The following SYNJ1 variants were observed in gnomAD, a reference collection of about 807,000 sequenced individuals.
SYNJ1 encodes the protein synaptojanin 1.
SYNJ1 carries 78 observed loss-of-function variants against 168.2 expected under a neutral mutation model. The observed-to-expected ratio is 0.46, with a 90% CI of 0.39 to 0.56. SYNJ1 has a LOEUF of 0.56. SYNJ1 is among the 20% of genes least tolerant of loss of function. The probability of loss-of-function intolerance (pLI) is 0.00; values close to 1 mark genes in which losing one functional copy is unlikely to be tolerated. For missense variants in SYNJ1, 1,303 were observed against 1,597.6 expected (o/e 0.82, Z 3.14); for synonymous variants, 539 against 548.6 (o/e 0.98, Z 0.24).
At chr21:32,680,192 G>A (rs923909903) in intron 11 of SYNJ1, among the ~76,000 whole-genome samples, 20 of 152,252 alleles carry the variant, frequency 1.3e-4, no homozygotes, top group African/African-American at 4.6e-4. Flanking sequence ...ATTTCTATGA[G>A]TTGAACAAAA....
intron 14 of SYNJ1, 94 bp from the exon 15 acceptor site, chr21:32,670,466 TG>T (rs1010566796): frequency 2.2e-6 from 2 of 922,066 alleles, no homozygotes; most frequent in African/African-American, 3.4e-5. Flanking sequence ...TCATAAAGAC[TG>T]ATTTCTGTGT....
intron 22 of SYNJ1, among the ~76,000 whole-genome samples, chr21:32,651,752 C>A (rs1269886594): frequency 6.6e-6 from 1 of 152,052 alleles, no homozygotes; most frequent in Non-Finnish European, 1.5e-5. Context: ...TAGAGGTTCA[C>A]TGGAATATTG....
intron 2 of SYNJ1, among the ~76,000 whole-genome samples, chr21:32,709,424 C>T (rs1229086382): frequency 7.0e-6 from 1 of 143,098 alleles, no homozygotes; most frequent in South Asian, 2.2e-4. Context: ...TAGTAGTGAG[C>T]CAAGATCACA....
At chr21:32,719,963 G>A (rs570357677) in intron 2 of SYNJ1, among the ~76,000 whole-genome samples, 13 of 152,060 alleles carry the variant, frequency 8.5e-5, no homozygotes, top group African/African-American at 3.1e-4. Context: ...AACGAGGCCA[G>A]GCACAGTGGC....
Position 32,642,100 on chromosome 21 carries a change from T to G in SYNJ1, c.3512A>C (p.Asn1171Thr), listed in dbSNP as rs1180796271. 3.1e-6 allele frequency: 5 copies of G among 1,614,092 alleles called. No homozygotes were observed. Among genetic ancestry groups the G allele is most frequent in the Non-Finnish European group, 4.2e-6 (5 of 1,180,044 alleles). Residue 1171 changes from asparagine (N) to threonine (T), a missense_variant, in exon 28 of 33, where the codon AAT (asparagine) becomes ACT (threonine). This residue lies in a region of SYNJ1 where 383 missense variants were observed against 388.8 expected (regional missense o/e 0.99). Coordinates refer to ENST00000674351, the MANE Select transcript of SYNJ1 (RefSeq NM_203446.3). Reference sequence around the variant, plus strand: ...CTACATTCAAGTGTTTTTACCTATATTATCTTTCCTTGTTGTTCCAGGGCT... The same window carrying G: ...CTACATTCAAGTGTTTTTACCTATAGTATCTTTCCTTGTTGTTCCAGGGCT... ...PKSPGTTRKD[N>T]IGRSQPSPQA...
chr21:32,686,051 C>T (rs368097887), intron 8 of SYNJ1, 134 bp from the exon 9 acceptor site: 4 of 812,470 alleles, frequency 4.9e-6, no homozygotes, highest in Middle Eastern at 3.5e-4. Flanking sequence ...CTGAGAGATA[C>T]GGTGACACAA....
Position 32,650,254 on chromosome 21 carries a change from T to A in SYNJ1, c.2967A>T (p.Ala989=). The change falls in exon 23 of 33, where the codon GCA becomes GCT. Residue 989 remains alanine (A), a synonymous_variant. Transcript: ENST00000674351. ...GGGTAGAGCTTGTTGATGATGGCAA[T>A]GCAATGCTAATTTTCTCTAAACTCA... ...EEMSLEKISI[A]LPSSTSSTLL... is the part of the protein sequence containing the mutation. The A allele has an allele frequency of 6.2e-7, 1 of 1,614,072 alleles. No individual in the cohort carries two copies. The highest frequency in any genetic ancestry group is 1.1e-5 in the South Asian group (1 of 91,054).
At chr21:32,685,425 C>CAAAA (rs57470866) in intron 9 of SYNJ1, among the ~76,000 whole-genome samples, 50 of 67,194 alleles carry the variant, frequency 7.4e-4, no homozygotes, top group Admixed American at 9.6e-4. Flanking sequence ...CCGTCTCTAC[C>CAAAA]AAAAAAAAAA....
At chr21:32,716,061 C>T (rs2043013250) in intron 2 of SYNJ1, among the ~76,000 whole-genome samples, 1 of 152,150 alleles carries the variant, frequency 6.6e-6, no homozygotes, top group African/African-American at 2.4e-5. Flanking sequence ...TCTATTTAAG[C>T]TGGAAAAAGA....
At position 32,695,098 on chromosome 21, in the gene SYNJ1, T is replaced by G. The variant is rs2042155994; in HGVS notation, c.664A>C (p.Asn222His). The G allele has an allele frequency of 1.2e-6, 2 of 1,614,062 alleles. No homozygotes were observed. The highest frequency in any genetic ancestry group is 1.7e-5 in the Admixed American group (1 of 60,004). ...AAATTGGCAACATGACCATCATCAT[T>G]TGTTCCCCGGACATTAAACCTGGTC... ...AGTRFNVRGT[N>H]DDGHVANFVE... Residue 222 changes from asparagine to histidine, a missense_variant, in exon 5 of 33, where the codon AAT becomes CAT. By Grantham distance (68) the Asn-to-His change is moderately conservative. Coordinates refer to ENST00000674351, the MANE Select transcript of SYNJ1 (RefSeq NM_203446.3).
intron 6 of SYNJ1, among the ~76,000 whole-genome samples, chr21:32,693,819 C>T (rs1276000134): frequency 6.6e-6 from 1 of 152,114 alleles, no homozygotes; most frequent in East Asian, 1.9e-4. Flanking sequence ...CAAGATCACA[C>T]AGCTAGTAGT....
chr21:32,700,080 G>A lies in SYNJ1; in HGVS notation c.237C>T (p.Val79=), dbSNP rs2042346483. 6.2e-7 allele frequency: 1 copy of A among 1,613,540 alleles called. No individual in the cohort carries two copies. The highest frequency in any genetic ancestry group is 2.2e-5 in the East Asian group (1 of 44,852). ...NLGDTMLHYL[V]LVTGCMSVGK... ...CAACAGACATACATCCAGTGACTAGGACCAGATAATGTAACATAGTATCAC... is the reference window on the plus strand; with the variant it reads ...CAACAGACATACATCCAGTGACTAGAACCAGATAATGTAACATAGTATCAC... The change falls in exon 4 of 33, where the codon GTC becomes GTT. Residue 79 remains valine, a synonymous_variant. Transcript: ENST00000674351.
chr21:32,687,691 AAAC>A lies in SYNJ1; in HGVS notation c.851+612_851+614del, dbSNP rs565209802. Among the ~76,000 whole-genome samples the A allele has an allele frequency of 1.5e-4, 23 of 152,344 alleles. No homozygotes were observed. The South Asian group carries it at 1.7e-3, about 11-fold the overall frequency. On this transcript the variant is annotated intron_variant, in intron 7 of 32. Transcript: ENST00000674351. ...ATCATTTCAACATGTAATCAATATA[AAAC>A]AACTACAGTTAACCTTTCAACAACA... is the stretch of plus-strand genomic sequence containing the variant.
intron 2 of SYNJ1, among the ~76,000 whole-genome samples, chr21:32,704,996 A>C (rs1053868832): frequency 1.3e-5 from 2 of 152,050 alleles, no homozygotes; most frequent in Non-Finnish European, 2.9e-5. Context: ...AAAAACACAA[A>C]AAATTAGCCA....
intron 23 of SYNJ1, among the ~76,000 whole-genome samples, chr21:32,647,882 G>GTTTGCTCTTCCCCTCACCC (rs2040133169): frequency 6.6e-6 from 1 of 152,112 alleles, no homozygotes; most frequent in Admixed American, 6.5e-5. Flanking sequence ...TGATTTGCTG[G>GTTTGCTCTTCCCCTCACCC]TTTGCTCTTC....
chr21:32,647,655 T>C (rs1014227429), intron 23 of SYNJ1, among the ~76,000 whole-genome samples: 2 of 152,174 alleles, frequency 1.3e-5, no homozygotes, highest in Non-Finnish European at 2.9e-5. Flanking sequence ...GATTCTATGG[T>C]TCTTCATCTC....
At chr21:32,638,443 T>A (rs1262980351) in intron 31 of SYNJ1, among the ~76,000 whole-genome samples, 1 of 152,176 alleles carries the variant, frequency 6.6e-6, no homozygotes, top group East Asian at 1.9e-4. Flanking sequence ...ACGCCTGTAA[T>A]CCCAGCACTT....
rs965217730 is a variant in SYNJ1 at position 32,688,375 on chromosome 21, A to C, written c.790-8T>G. The C allele has an allele frequency of 1.9e-6, 3 of 1,611,606 alleles. No homozygotes were observed. The highest frequency in any genetic ancestry group is 2.5e-6 in the Non-Finnish European group (3 of 1,179,048). On this transcript the variant is annotated splice_region_variant and splice_polypyrimidine_tract_variant and intron_variant, in intron 6 of 32. Transcript: ENST00000674351. ...GACACGATGAGATCCCACCTTAGACAAGAAAAATATATTTAATCAAACCAA... is the reference window on the plus strand; with the variant it reads ...GACACGATGAGATCCCACCTTAGACCAGAAAAATATATTTAATCAAACCAA...
chr21:32,666,695 C>T (rs2040947248), intron 15 of SYNJ1, 122 bp from the exon 16 acceptor site: 1 of 1,041,276 alleles, frequency 9.6e-7, no homozygotes, highest in Admixed American at 3.5e-5. Flanking sequence ...GAAGCTTAGG[C>T]TGTTTTTGTT....
Sources: allele counts gnomAD v4.1 joint callset (sites outside exome capture counted in the v4.1 genomes callset), GRCh38; gene constraint gnomAD v4.1.1; regional missense constraint gnomAD v4.1.1; transcripts MANE v1.5; gene names NCBI Gene and HGNC (gene_info 2026-07-23, HGNC 2026-07-21).